ANGEL1: variants seen among roughly 807,000 people sequenced by gnomAD.
ANGEL1 encodes angel homolog 1, also known as RNA 2',3'-cyclic phosphatase ANGEL1.
ANGEL1 carries 62 observed loss-of-function variants against 76.4 expected under a neutral mutation model. That is an observed-to-expected ratio of 0.81 (90% confidence interval 0.66 to 1.00). The LOEUF (loss-of-function observed/expected upper bound fraction) is 1.00, where lower values mean the gene tolerates loss of function less well. Among genes scored for constraint, ANGEL1 ranks in the 50% least tolerant of loss-of-function variants. ANGEL1 has a pLI of 0.00. For missense variants in ANGEL1, 737 were observed against 836.7 expected, an observed-to-expected ratio of 0.88 and a Z score of 1.47; for synonymous variants, 340 against 331.7, an observed-to-expected ratio of 1.03 and a Z score of -0.27.
At chr14:76,804,527 T>C in intron 5 of ANGEL1, 1 of 892,102 alleles carries the variant, frequency 1.1e-6, no homozygotes, top group Non-Finnish European at 1.3e-6. Flanking sequence ...AACAAATATT[T>C]GAAAGCCAAA....
chr14:76,798,416 T>C (rs1176154158), intron 7 of ANGEL1, among the ~76,000 whole-genome samples: 1 of 151,892 alleles, frequency 6.6e-6, no homozygotes, highest in African/African-American at 2.4e-5. Context: ...TGTGAACCAC[T>C]GTACCCAGCC....
intron 7 of ANGEL1, among the ~76,000 whole-genome samples, chr14:76,796,781 T>G (rs1894592886): frequency 6.6e-6 from 1 of 152,246 alleles, no homozygotes; most frequent in South Asian, 2.1e-4. Context: ...AAAGATCAAT[T>G]AAAGCCTTCT....
At chr14:76,805,162 C>T (rs1282803360) in intron 5 of ANGEL1, among the ~76,000 whole-genome samples, 1 of 152,040 alleles carries the variant, frequency 6.6e-6, no homozygotes, top group African/African-American at 2.4e-5. Context: ...TTTATTTAAT[C>T]CACCCAAAAA....
chr14:76,786,379 C>A lies in ANGEL1; in HGVS notation c.*2849G>T, dbSNP rs1894262793. 3.9e-5 allele frequency: 6 copies of A among 152,184 alleles called. No homozygotes were observed. The allele number at this position is 152,184 out of a possible 1,614,324, so 9.4% of individuals were successfully genotyped here. A position where few individuals can be genotyped will look rare whatever the true frequency, so the allele number is the denominator to read the frequency against. ...ATTTCTTCATGTTGGTCAGGCTGGT[C>A]TGGAACTCTCGACCTCAGGTGATCC... is the stretch of plus-strand genomic sequence containing the variant. On this transcript the variant is annotated 3_prime_UTR_variant, in exon 10 of 10. Transcript: ENST00000251089.
At chr14:76,805,060 GATA>G (rs1455706791) in intron 5 of ANGEL1, among the ~76,000 whole-genome samples, 2 of 148,460 alleles carry the variant, frequency 1.3e-5, no homozygotes, top group South Asian at 2.2e-4. Context: ...AATAAAATGG[GATA>G]ATAATACCAT....
At chr14:76,789,412 T>C in intron 9 of ANGEL1, 24 bp from the exon 10 acceptor site, 1 of 1,613,360 alleles carries the variant, frequency 6.2e-7, no homozygotes, top group South Asian at 1.1e-5. Flanking sequence ...CAGAAGCCAA[T>C]GGGTAAAAGC....
rs750069500 is a variant in ANGEL1 at position 76,809,531 on chromosome 14, G to A, written c.177C>T (p.Gly59=). ...CTTCTTCTCGCCACTGCTGCAGCAG[G>A]CCCTCACATTCCTCCTGCTCAGGGC... ...PRGPEQEECE[G]LLQQWREEGL... Residue 59 remains glycine (G), a synonymous_variant, in exon 2 of 10, where the codon GGC becomes GGT. Coordinates refer to ENST00000251089, the MANE Select transcript of ANGEL1 (RefSeq NM_015305.4). The A allele has an allele frequency of 4.3e-6, 7 of 1,614,228 alleles. No individual in the cohort carries two copies. Among genetic ancestry groups the A allele is most frequent in the Admixed American group, 1.7e-5 (1 of 60,032 alleles).
At chr14:76,789,776 C>A (rs921617938) in intron 9 of ANGEL1, among the ~76,000 whole-genome samples, 13 of 151,024 alleles carry the variant, frequency 8.6e-5, no homozygotes, top group African/African-American at 2.9e-4. Flanking sequence ...CTCACTGCAA[C>A]CTCTGACCCC....
chr14:76,799,759 C>G (rs1894703573), intron 7 of ANGEL1, among the ~76,000 whole-genome samples: 1 of 151,926 alleles, frequency 6.6e-6, no homozygotes, highest in African/African-American at 2.4e-5. Flanking sequence ...CAAAAATTAG[C>G]TGGGCATGGT....
Position 76,806,675 on chromosome 14 carries a change from A to G in ANGEL1, c.1121T>C (p.Val374Ala), listed in dbSNP as rs776405114. The G allele has an allele frequency of 1.2e-6, 2 of 1,613,798 alleles. No individual in the cohort carries two copies. The highest frequency in any genetic ancestry group is 1.7e-6 in the Non-Finnish European group (2 of 1,179,992). Residue 374 changes from valine (V) to alanine (A), a missense_variant, in exon 5 of 10, where the codon GTC becomes GCC. Coordinates refer to ENST00000251089, the MANE Select transcript of ANGEL1 (RefSeq NM_015305.4). ...CGAGACTTGTCCCAGGCCTTCTGGGACGAGTGGTTGCAGTAGCAACACTAA... is the reference window on the plus strand; with the variant it reads ...CGAGACTTGTCCCAGGCCTTCTGGGGCGAGTGGTTGCAGTAGCAACACTAA... Reference protein sequence around the residue: ...VGLVLLLQPLVPEGLGQVSVA... With the variant: ...VGLVLLLQPLAPEGLGQVSVA...
intron 8 of ANGEL1, 106 bp downstream of exon 8, chr14:76,791,191 T>C (rs1360885393): frequency 8.1e-6 from 10 of 1,235,652 alleles, no homozygotes; most frequent in Non-Finnish European, 1.1e-5. Flanking sequence ...AAAGAGCTTA[T>C]CAAAAAGTGC....
intron 5 of ANGEL1, 117 bp from the exon 6 acceptor site, chr14:76,804,029 G>A (rs753834657): frequency 7.5e-6 from 12 of 1,595,540 alleles, no homozygotes; most frequent in Non-Finnish European, 1.0e-5. Context: ...CTACGTACAT[G>A]GTATAAACAA....
At chr14:76,795,093 G>A (rs1327936704) in intron 7 of ANGEL1, among the ~76,000 whole-genome samples, 1 of 152,048 alleles carries the variant, frequency 6.6e-6, no homozygotes, top group Non-Finnish European at 1.5e-5. Flanking sequence ...TGCTATTAGA[G>A]TTTTTTTCTT....
rs955624654 is a variant in ANGEL1 at position 76,786,924 on chromosome 14, G to C, written c.*2304C>G. 6.6e-6 allele frequency: 1 copy of C among 152,238 alleles called. No individual in the cohort carries two copies. Among genetic ancestry groups the C allele is most frequent in the African/African-American group, 2.4e-5 (1 of 41,440 alleles). 9.4% of individuals were successfully genotyped at this position (152,238 alleles called of 1,614,324 possible). ...TGCAGAAGATACTAGGAGGAGGCAT[G>C]GGGGGAGCAGATGGAGGAAGAATGA... On this transcript the variant is annotated 3_prime_UTR_variant, in exon 10 of 10. Coordinates refer to ENST00000251089, the MANE Select transcript of ANGEL1 (RefSeq NM_015305.4).
chr14:76,803,281 T>C (rs1894817931), intron 7 of ANGEL1, 90 bp downstream of exon 7: 3 of 1,052,696 alleles, frequency 2.8e-6, no homozygotes, highest in Non-Finnish European at 4.2e-6. Context: ...CTAAGAATTA[T>C]ACTTAGAAAA....
rs1238063976 is a variant in ANGEL1 at position 76,788,401 on chromosome 14, T to G, written c.*827A>C. The G allele has an allele frequency of 6.6e-6, 1 of 152,338 alleles. No homozygotes were observed. The highest frequency in any genetic ancestry group is 1.5e-5 in the Non-Finnish European group (1 of 68,106). 9.4% of individuals were successfully genotyped at this position (152,338 alleles called of 1,614,324 possible). ...ATGAACCCCACATAAGGGTTCAAAC[T>G]TCCGCCTCCCTCAGGGAAGCCTGGG... is the stretch of plus-strand genomic sequence containing the variant. On this transcript the variant is annotated 3_prime_UTR_variant, in exon 10 of 10. Transcript: ENST00000251089.
intron 5 of ANGEL1, chr14:76,804,220 C>T (rs1253837946): frequency 5.0e-6 from 7 of 1,402,078 alleles, no homozygotes; most frequent in Non-Finnish European, 4.6e-6. Context: ...TACAATTCTC[C>T]TCCACAGGGA....
chr14:76,793,835 T>C (rs867602902), intron 7 of ANGEL1, among the ~76,000 whole-genome samples: 2 of 152,168 alleles, frequency 1.3e-5, no homozygotes, highest in Non-Finnish European at 2.9e-5. Context: ...ATAAATTATG[T>C]ACAGTAAAAG....
chr14:76,801,178 A>G (rs753513096), intron 7 of ANGEL1, among the ~76,000 whole-genome samples: 26 of 151,050 alleles, frequency 1.7e-4, no homozygotes, highest in Non-Finnish European at 3.1e-4. Flanking sequence ...TGGTACGAAC[A>G]TGGCTCACTG....
Sources: allele counts gnomAD v4.1 joint callset (sites outside exome capture counted in the v4.1 genomes callset), GRCh38; gene constraint gnomAD v4.1.1; transcripts MANE v1.5; gene names NCBI Gene and HGNC (gene_info 2026-07-23, HGNC 2026-07-21).